RPH3AL: variants seen among roughly 807,000 people sequenced by gnomAD.
RPH3AL encodes the protein rabphilin 3A like (without C2 domains).
In RPH3AL, 38 loss-of-function variants were observed where a neutral mutation model predicts 43.1. The observed-to-expected ratio is 0.88, with a 90% CI of 0.68 to 1.15. RPH3AL has a LOEUF of 1.15. Ranked by LOEUF, RPH3AL falls within the 50% of genes most tolerant of loss-of-function variation. The pLI, the probability that RPH3AL is intolerant of heterozygous loss-of-function variation, is 0.00. For synonymous variants in RPH3AL, 189 were observed against 176.3 expected, an observed-to-expected ratio of 1.07 and a Z score of -0.57; for missense variants, 462 against 423.2, an observed-to-expected ratio of 1.09 and a Z score of -0.81.
intron 5 of RPH3AL, among the ~76,000 whole-genome samples, chr17:293,756 C>T (rs1172555931): frequency 5.9e-5 from 9 of 152,106 alleles, no homozygotes; most frequent in Non-Finnish European, 7.4e-5. Context: ...TGGTCGGGCG[C>T]GGTGGCTCAC....
intron 5 of RPH3AL, among the ~76,000 whole-genome samples, chr17:308,005 C>T (rs2043543923): frequency 6.6e-6 from 1 of 152,220 alleles, no homozygotes; most frequent in Non-Finnish European, 1.5e-5. Flanking sequence ...TGCAAGAGAG[C>T]CGAAGCAGGC....
At chr17:237,716 C>T (rs1266965539) in intron 7 of RPH3AL, among the ~76,000 whole-genome samples, 1 of 152,208 alleles carries the variant, frequency 6.6e-6, no homozygotes, top group Non-Finnish European at 1.5e-5. Flanking sequence ...TCAATGATAC[C>T]CCAGGATCCC....
At chr17:346,925 T>C (rs1442583826) in intron 1 of RPH3AL, among the ~76,000 whole-genome samples, 3 of 134,900 alleles carry the variant, frequency 2.2e-5, no homozygotes, top group African/African-American at 7.6e-5. Context: ...CACCAAATGC[T>C]AGTGAGGATG....
chr17:275,625 G>A (rs550525209), intron 6 of RPH3AL, among the ~76,000 whole-genome samples: 11 of 152,298 alleles, frequency 7.2e-5, no homozygotes, highest in East Asian at 1.9e-4. Flanking sequence ...ACGGTTCACC[G>A]CAGCCTCGAC....
In RPH3AL at chr17:219,627, C is replaced by T. The variant is rs1222501546; in HGVS notation, c.723G>A (p.Glu241=). ...GCATTTCACTCCCCACCTTACCTGA[C>T]TCCTTCCAGGGTTTGTCGCCTTTCC... The part of the protein sequence containing the change: ...RDRKGDKPWK[E]SGGSVEAPRM... Residue 241 remains glutamate (E), a synonymous_variant, in exon 8 of 10, where the codon GAG becomes GAA. Transcript: ENST00000331302. 1 of 1,544,832 alleles carries T rather than the reference C, an allele frequency of 6.5e-7. No homozygotes were observed. Among genetic ancestry groups the T allele is most frequent in the Non-Finnish European group, 8.8e-7 (1 of 1,140,804 alleles).
rs1202511850 is a variant in RPH3AL, at chr17:224,903, G to A, written c.614-5167C>T. 2.1e-5 allele frequency among the ~76,000 whole-genome samples: 3 copies of A among 145,064 alleles called. No individual in the cohort carries two copies. The Admixed American group carries it at 2.1e-4, about 10-fold the overall frequency. ...AGTGCATGTTCTCACTCATAGGTGG[G>A]AATTGAACAATGAGAACACTTGGAC... On this transcript the variant is annotated intron_variant, in intron 7 of 9. Transcript: ENST00000331302.
At chr17:280,514 G>A (rs2042753463) in intron 6 of RPH3AL, among the ~76,000 whole-genome samples, 2 of 152,224 alleles carry the variant, frequency 1.3e-5, no homozygotes, top group Admixed American at 1.3e-4. Context: ...GGCAACCCCA[G>A]ACCCAGCGGG....
chr17:297,822 G>C (rs2043219413), intron 5 of RPH3AL, among the ~76,000 whole-genome samples: 1 of 152,190 alleles, frequency 6.6e-6, no homozygotes, highest in Non-Finnish European at 1.5e-5. Flanking sequence ...GGCTGATGTT[G>C]CCAAGGGCAT....
rs558986397 is a variant in RPH3AL, at chr17:301,731, G to A, written c.351+17689C>T. On this transcript the variant is annotated intron_variant, in intron 5 of 9. Coordinates refer to ENST00000331302, the MANE Select transcript of RPH3AL (RefSeq NM_006987.4). Reference sequence around the variant, plus strand: ...TGGAATTACAGGTGTGACCCACCGCGCCCGGCCTGTAGGCAAAGTCCTGAG... The same window carrying A: ...TGGAATTACAGGTGTGACCCACCGCACCCGGCCTGTAGGCAAAGTCCTGAG... Among the ~76,000 whole-genome samples the A allele has an allele frequency of 5.9e-5, 9 of 152,166 alleles. No individual in the cohort carries two copies. In the South Asian group the frequency reaches 8.3e-4, roughly 14 times the overall value.
At chr17:234,987 T>TGCCGC (rs1461418039) in intron 7 of RPH3AL, among the ~76,000 whole-genome samples, 2 of 152,118 alleles carry the variant, frequency 1.3e-5, no homozygotes, top group Non-Finnish European at 2.9e-5. Context: ...ATAAATAGCA[T>TGCCGC]GCCACGTGAA....
At chr17:277,003 A>G (rs533211059) in intron 6 of RPH3AL, among the ~76,000 whole-genome samples, 194 of 152,344 alleles carry the variant, frequency 1.3e-3, no homozygotes, top group African/African-American at 4.6e-3. Flanking sequence ...ATAAAATTAC[A>G]GACCAGCTAA....
chr17:302,532 G>A lies in RPH3AL; in HGVS notation c.351+16888C>T, dbSNP rs369021549. ...AGGAAGCCATCGGAGCCACACTGCA[G>A]AGAGGGCCGTGTCCCCAGGAGAGAT... On this transcript the variant is annotated intron_variant, in intron 5 of 9. Transcript: ENST00000331302. Among the ~76,000 whole-genome samples the A allele has an allele frequency of 1.2e-4, 18 of 152,340 alleles. 1 individual carries two copies. In the South Asian group the frequency reaches 3.7e-3, roughly 32 times the overall value.
chr17:276,157 C>A lies in RPH3AL; in HGVS notation c.438+5611G>T, dbSNP rs146411114. On this transcript the variant is annotated intron_variant, in intron 6 of 9. Coordinates refer to ENST00000331302, the MANE Select transcript of RPH3AL (RefSeq NM_006987.4). The stretch of plus-strand genomic sequence containing the variant: ...AACATTTAAAATAACCAATGAGAAG[C>A]AAATGATAAGGAAACATCTGTGGCT... Among the ~76,000 whole-genome samples, 977 of 152,272 alleles carry A rather than the reference C, an allele frequency of 6.4e-3. 13 individuals are homozygous for A. The highest frequency in any genetic ancestry group is 0.022 in the African/African-American group (924 of 41,546).
At chr17:244,391 G>A (rs138565628) in intron 7 of RPH3AL, among the ~76,000 whole-genome samples, 3 of 152,194 alleles carry the variant, frequency 2.0e-5, no homozygotes, top group African/African-American at 7.2e-5. Context: ...GAGCCTAAGA[G>A]ATGTGGGATG....
chr17:281,804 G>T lies in RPH3AL; in HGVS notation c.402C>A (p.Pro134=). The T allele has an allele frequency of 6.2e-7, 1 of 1,614,106 alleles. No homozygotes were observed. The highest frequency in any genetic ancestry group is 8.5e-7 in the Non-Finnish European group (1 of 1,180,030). ...CACTGCAGATCTTACACAGCCACAG[G>T]GGCCGCTTCTGGCCAGGGGAGGCCT... ...GIEASPGQKR[P]LWLCKICSEQ... Residue 134 remains proline (P), a synonymous_variant, in exon 6 of 10, where the codon CCC becomes CCA. Transcript: ENST00000331302.
At chr17:257,988 G>A (rs182925906) in intron 6 of RPH3AL, among the ~76,000 whole-genome samples, 9 of 149,164 alleles carry the variant, frequency 6.0e-5, no homozygotes, top group African/African-American at 1.7e-4. Flanking sequence ...TACTTCCTAT[G>A]AGGGGAGCCG....
chr17:249,325 A>G (rs1305161240), intron 6 of RPH3AL, among the ~76,000 whole-genome samples: 1 of 152,076 alleles, frequency 6.6e-6, no homozygotes, highest in Non-Finnish European at 1.5e-5. Context: ...TGTGATTTGG[A>G]CACGCTGACC....
At chr17:272,995 T>TGAGACCCCAGCGAGGGCTACGTCAGGGA (rs2042531506) in intron 6 of RPH3AL, among the ~76,000 whole-genome samples, 2 of 32,770 alleles carry the variant, frequency 6.1e-5, no homozygotes, top group African/African-American at 1.9e-4. Flanking sequence ...TACGTCAGGG[T>TGAGACCCCAGCGAGGGCTACGTCAGGGA]GAGACCCCAG....
At chr17:267,672 T>C (rs923859708) in intron 6 of RPH3AL, among the ~76,000 whole-genome samples, 3 of 152,196 alleles carry the variant, frequency 2.0e-5, no homozygotes, top group Admixed American at 6.5e-5. Flanking sequence ...ACGGGTCTTG[T>C]TCCCTGCTGG....
Sources: gnomAD v4.1 joint callset for allele counts (sites outside exome capture counted in the v4.1 genomes callset) on GRCh38, gnomAD v4.1.1 for gene constraint, MANE v1.5 for transcripts, NCBI Gene and HGNC (gene_info 2026-07-23, HGNC 2026-07-21) for gene names.